The following HIVEP1 variants were observed in gnomAD, a reference collection of about 807,000 sequenced individuals.
The protein encoded by HIVEP1 is zinc finger protein 40.
A neutral mutation model predicts 180.0 loss-of-function variants in HIVEP1; 36 were observed. That is an observed-to-expected ratio of 0.20 (90% CI 0.15 to 0.26). The LOEUF is 0.26. Ranked by LOEUF, HIVEP1 falls within the 10% of genes least tolerant of loss-of-function variation. HIVEP1 has a pLI of 1.00. For missense variants in HIVEP1, 3,143 were observed against 3,268.7 expected (o/e 0.96, Z 0.94); for synonymous variants, 1,239 against 1,239.0 (o/e 1.00, Z 0.00).
chr6:12,120,326 C>T lies in HIVEP1; in HGVS notation c.531C>T (p.Ser177=), dbSNP rs773991208. The T allele has an allele frequency of 2.5e-5, 40 of 1,614,008 alleles. No homozygotes were observed. The highest frequency in any genetic ancestry group is 1.6e-4 in the Middle Eastern group (1 of 6,084). ...SLSSKTRTDN[S]ECISSHCGTT... is the part of the protein sequence containing the mutation. Reference sequence around the variant, plus strand: ...CAAGTAAAACCAGGACTGACAATAGCGAATGCATCTCTTCTCATTGTGGCA... The same window carrying T: ...CAAGTAAAACCAGGACTGACAATAGTGAATGCATCTCTTCTCATTGTGGCA... Residue 177 remains serine (S), a synonymous_variant, in exon 4 of 9, where the codon AGC becomes AGT. Transcript: ENST00000379388.
intron 2 of HIVEP1, among the ~76,000 whole-genome samples, chr6:12,046,762 A>G (rs751908313): frequency 6.7e-6 from 1 of 150,344 alleles, no homozygotes; most frequent in Non-Finnish European, 1.5e-5. Context: ...CTGGTGACAG[A>G]GCGAGACTCT....
At chr6:12,096,477 T>C (rs377048664) in intron 3 of HIVEP1, among the ~76,000 whole-genome samples, 1 of 151,828 alleles carries the variant, frequency 6.6e-6, no homozygotes, top group Non-Finnish European at 1.5e-5. Context: ...CTAATTGGTG[T>C]GTCAGTAAAA....
At chr6:12,042,171 C>T (rs1327881146) in intron 2 of HIVEP1, among the ~76,000 whole-genome samples, 5 of 150,062 alleles carry the variant, frequency 3.3e-5, no homozygotes, top group South Asian at 2.1e-4. Flanking sequence ...GCTCCGCTTC[C>T]CGGGTTCACG....
chr6:12,191,893 A>G, the HIVEP1 span, among the ~76,000 whole-genome samples: 10 of 152,228 alleles, frequency 6.6e-5, no homozygotes, highest in African/African-American at 9.6e-5. Flanking sequence ...TGAAAAATAT[A>G]TAATGTCATT....
intron 2 of HIVEP1, among the ~76,000 whole-genome samples, chr6:12,084,829 C>A (rs1048238600): frequency 1.3e-5 from 2 of 152,012 alleles, no homozygotes; most frequent in Admixed American, 6.6e-5. Context: ...TGGTACCCAG[C>A]AGAACAGCAT....
chr6:12,120,398 A>C lies in HIVEP1; in HGVS notation c.603A>C (p.Lys201Asn). 6.2e-7 allele frequency: 1 copy of C among 1,614,214 alleles called. No homozygotes were observed. The highest frequency in any genetic ancestry group is 8.5e-7 in the Non-Finnish European group (1 of 1,180,032). The change falls in exon 4 of 9, where the codon AAA becomes AAC. Residue 201 changes from lysine to asparagine, a missense_variant. Physicochemically the swap from Lys to Asn is moderately conservative, Grantham distance 94. Transcript: ENST00000379388. The stretch of plus-strand genomic sequence containing the variant: ...ACACTGCATTCGATGTCTTACTGAA[A>C]GCAATGGAGCCAGAACTGAGCACCT... ...YTNTAFDVLLKAMEPELSTLS... is the reference protein window; with the variant it reads ...YTNTAFDVLLNAMEPELSTLS...
chr6:12,093,670 G>A (rs1293260041), intron 3 of HIVEP1, among the ~76,000 whole-genome samples: 1 of 151,472 alleles, frequency 6.6e-6, no homozygotes, highest in African/African-American at 2.4e-5. Context: ...TCCTTTTACT[G>A]TTTCGTATTA....
intron 2 of HIVEP1, among the ~76,000 whole-genome samples, chr6:12,042,136 G>T (rs1259627462): frequency 6.8e-6 from 1 of 147,208 alleles, no homozygotes; most frequent in East Asian, 2.0e-4. Flanking sequence ...GCGGACTGCA[G>T]TGGCGCAATC....
chr6:12,037,874 C>T, intron 2 of HIVEP1: 1 of 402,802 alleles, frequency 2.5e-6, no homozygotes. Flanking sequence ...GTGTGCCTAG[C>T]TACTTTTTTT....
chr6:12,056,414 G>A (rs1770874561), intron 2 of HIVEP1, among the ~76,000 whole-genome samples: 2 of 152,072 alleles, frequency 1.3e-5, no homozygotes, highest in African/African-American at 4.8e-5. Context: ...TGCCACATTT[G>A]CCTTATCTCT....
intron 3 of HIVEP1, among the ~76,000 whole-genome samples, chr6:12,094,550 T>G (rs1328862095): frequency 6.6e-6 from 1 of 152,068 alleles, no homozygotes; most frequent in Admixed American, 6.5e-5. Flanking sequence ...TTTTTATTTT[T>G]ATCACCTTTT....
At chr6:12,043,354 AATTTTTT>A (rs1300227897) in intron 2 of HIVEP1, among the ~76,000 whole-genome samples, 8 of 140,416 alleles carry the variant, frequency 5.7e-5, no homozygotes, top group South Asian at 4.8e-4. Context: ...TCTAAGTGAA[AATTTTTT>A]TTTTTTTTTT....
At chr6:12,032,899 T>C (rs980024006) in intron 2 of HIVEP1, among the ~76,000 whole-genome samples, 4 of 152,264 alleles carry the variant, frequency 2.6e-5, no homozygotes, top group African/African-American at 9.6e-5. Context: ...TTGAATGCTC[T>C]TCCCAGATAT....
rs768414061 is a variant in HIVEP1 at position 12,048,450 on chromosome 6, C to G, written c.40+32782C>G. 2.4e-4 allele frequency among the ~76,000 whole-genome samples: 37 copies of G among 152,192 alleles called. 1 individual carries two copies. Among genetic ancestry groups the G allele is most frequent in the Admixed American group, 3.3e-4 (5 of 15,282 alleles). On this transcript the variant is annotated intron_variant, in intron 2 of 8. Coordinates refer to ENST00000379388, the MANE Select transcript of HIVEP1 (RefSeq NM_002114.4). Reference sequence around the variant, plus strand: ...AATACTCTACCTCTCTCCAGCAATTCTTGGCCTTCCAACCAATATGCCCAT... The same window carrying G: ...AATACTCTACCTCTCTCCAGCAATTGTTGGCCTTCCAACCAATATGCCCAT...
rs768993251 is a variant in HIVEP1, at chr6:12,120,700, C to T, written c.905C>T (p.Pro302Leu). 82 of 1,614,168 alleles carry T rather than the reference C, an allele frequency of 5.1e-5. No individual in the cohort carries two copies. The South Asian group carries it at 6.8e-4, about 13-fold the overall frequency. ...PKSNQHNQQLPGCSGFTGSLT... is the reference protein window; with the variant it reads ...PKSNQHNQQLLGCSGFTGSLT... The stretch of plus-strand genomic sequence containing the variant: ...TCCAACCAACATAATCAACAGCTTC[C>T]GGGGTGTTCAGGTTTCACAGGATCA... Residue 302 changes from proline (P) to leucine (L), a missense_variant, in exon 4 of 9, where the codon CCG becomes CTG. Coordinates refer to ENST00000379388, the MANE Select transcript of HIVEP1 (RefSeq NM_002114.4).
chr6:12,054,254 A>T (rs1770721247), intron 2 of HIVEP1, among the ~76,000 whole-genome samples: 1 of 152,258 alleles, frequency 6.6e-6, no homozygotes, highest in African/African-American at 2.4e-5. Flanking sequence ...CTATGGTATG[A>T]AAAACAGTAT....
At chr6:12,195,643 A>C in the HIVEP1 span, among the ~76,000 whole-genome samples, 7 of 152,358 alleles carry the variant, frequency 4.6e-5, no homozygotes, top group Non-Finnish European at 1.0e-4. Context: ...GCTTATAAGC[A>C]GAAAAGCTGG....
rs568997996 is a variant in HIVEP1, at chr6:12,123,375, C to T, written c.3580C>T (p.His1194Tyr). Residue 1194 changes from histidine (H) to tyrosine (Y), a missense_variant, in exon 4 of 9, where the codon CAC becomes TAC. Physicochemically the swap from His to Tyr is moderately conservative, Grantham distance 83 (BLOSUM62 2). Around this residue, in one of 12 missense-constraint regions of HIVEP1, gnomAD observed 1,357 missense variants for 1,260.5 expected, o/e 1.08. Transcript: ENST00000379388. ...CCCTTCTCGGGACGGGTCTCATCCT[C>T]ACCAGCTTGCACTATCAGACGCTCT... ...SHPSRDGSHPHQLALSDALRG... is the reference protein window; with the variant it reads ...SHPSRDGSHPYQLALSDALRG... 1 of 1,614,188 alleles carries T rather than the reference C, an allele frequency of 6.2e-7. No homozygotes were observed. The highest frequency in any genetic ancestry group is 1.1e-5 in the South Asian group (1 of 91,078).
chr6:12,103,212 TAATATC>T (rs1029128985), intron 3 of HIVEP1, among the ~76,000 whole-genome samples: 2 of 141,214 alleles, frequency 1.4e-5, no homozygotes, highest in African/African-American at 5.2e-5. Context: ...ATAATAATAA[TAATATC>T]AACAGAAGCA....
Sources: gnomAD v4.1 joint callset for allele counts (sites outside exome capture counted in the v4.1 genomes callset) on GRCh38, gnomAD v4.1.1 for gene constraint, gnomAD v4.1.1 regional missense constraint, MANE v1.5 for transcripts, NCBI Gene and HGNC (gene_info 2026-07-23, HGNC 2026-07-21) for gene names.